The following ZNF475 variants were observed in gnomAD, a reference collection of about 807,000 sequenced individuals.
ZNF475 encodes the protein zinc finger protein 475.
chr5:122,182,577 C>A, the ZNF475 span: 4 of 1,535,504 alleles, frequency 2.6e-6, no homozygotes, highest in East Asian at 7.3e-5. Flanking sequence ...TGTTTGTGGG[C>A]GTACCTTCCT....
At chr5:122,173,187 C>A in the ZNF475 span, among the ~76,000 whole-genome samples, 3 of 152,190 alleles carry the variant, frequency 2.0e-5, no homozygotes, top group African/African-American at 7.2e-5. Context: ...TTCCTTCTGA[C>A]CAATTGTCAT....
the ZNF475 span, among the ~76,000 whole-genome samples, chr5:122,177,921 T>A: frequency 6.6e-6 from 1 of 151,392 alleles, no homozygotes; most frequent in African/African-American, 2.4e-5. Flanking sequence ...CAGGCCCCAG[T>A]GTGTGATGTT....
chr5:122,166,778 G>A, the ZNF475 span, among the ~76,000 whole-genome samples: 1 of 152,182 alleles, frequency 6.6e-6, no homozygotes, highest in African/African-American at 2.4e-5. Context: ...TTGCTATTGT[G>A]AATAGTGCTG....
chr5:122,171,034 C>G, the ZNF475 span, among the ~76,000 whole-genome samples: 1 of 152,134 alleles, frequency 6.6e-6, no homozygotes, highest in Non-Finnish European at 1.5e-5. Flanking sequence ...TCTTATTATG[C>G]CACAGCATTG....
the ZNF475 span, among the ~76,000 whole-genome samples, chr5:122,172,933 T>C: frequency 1.3e-5 from 2 of 151,938 alleles, no homozygotes; most frequent in African/African-American, 2.4e-5. Context: ...CTCGGGAGGC[T>C]GAGGCAGGAG....
the ZNF475 span, chr5:122,160,395 T>A: frequency 1.7e-6 from 1 of 584,944 alleles, no homozygotes. Flanking sequence ...AGCAACAGCC[T>A]CATGAGTGAA....
At chr5:122,163,445 G>C in the ZNF475 span, 1 of 152,202 alleles carries the variant, frequency 6.6e-6, no homozygotes, top group African/African-American at 2.4e-5. Flanking sequence ...CAAGCATGGA[G>C]GGAGGGGAAC....
chr5:122,179,853 G>A, the ZNF475 span: 2 of 661,950 alleles, frequency 3.0e-6, no homozygotes, highest in Admixed American at 3.7e-5. Context: ...TTCTTGCCTT[G>A]GTTACAGACA....
the ZNF475 span, among the ~76,000 whole-genome samples, chr5:122,162,659 A>T: frequency 6.6e-6 from 1 of 152,004 alleles, no homozygotes; most frequent in African/African-American, 2.4e-5. Context: ...CTCATATTCT[A>T]ATCTCCTTTG....
At chr5:122,178,596 T>A in the ZNF475 span, among the ~76,000 whole-genome samples, 2 of 152,350 alleles carry the variant, frequency 1.3e-5, no homozygotes, top group East Asian at 3.9e-4. Context: ...GTTTTTTTCT[T>A]GTGAAGTTGT....
At chr5:122,182,068 T>C in the ZNF475 span, among the ~76,000 whole-genome samples, 1 of 152,232 alleles carries the variant, frequency 6.6e-6, no homozygotes, top group Non-Finnish European at 1.5e-5. Context: ...AAAATACGAA[T>C]ACATGCTCAT....
At chr5:122,162,599 G>A in the ZNF475 span, 1 of 152,024 alleles carries the variant, frequency 6.6e-6, no homozygotes, top group Non-Finnish European at 1.5e-5. Context: ...TGTTTTAAAT[G>A]GCTGAAGGCA....
the ZNF475 span, among the ~76,000 whole-genome samples, chr5:122,177,790 G>A: frequency 3.7e-4 from 56 of 152,034 alleles, no homozygotes; most frequent in African/African-American, 1.3e-3. Flanking sequence ...TACGTGTGCA[G>A]AATGTGCAGG....
the ZNF475 span, among the ~76,000 whole-genome samples, chr5:122,165,761 CAAAAAA>C: frequency 8.5e-6 from 1 of 117,374 alleles, no homozygotes; most frequent in Admixed American, 8.6e-5. Context: ...ATGCAACCTA[CAAAAAA>C]AAAAAAAAGA....
At chr5:122,174,258 G>A in the ZNF475 span, among the ~76,000 whole-genome samples, 1 of 152,212 alleles carries the variant, frequency 6.6e-6, no homozygotes, top group Non-Finnish European at 1.5e-5. Context: ...CCTTGGACTG[G>A]AGATAGAGGC....
chr5:122,163,722 G>C, the ZNF475 span, among the ~76,000 whole-genome samples: 2 of 152,172 alleles, frequency 1.3e-5, no homozygotes. Context: ...GACAGCCTGG[G>C]ATCCAGCTGG....
chr5:122,176,605 A>G, the ZNF475 span, among the ~76,000 whole-genome samples: 6 of 152,028 alleles, frequency 3.9e-5, no homozygotes, highest in African/African-American at 9.7e-5. Context: ...ACCTCCTATA[A>G]CTGAGTGTAA....
the ZNF475 span, among the ~76,000 whole-genome samples, chr5:122,175,685 T>C: frequency 6.6e-6 from 1 of 152,238 alleles, no homozygotes; most frequent in East Asian, 1.9e-4. Flanking sequence ...AAACACCTTT[T>C]CCCTTTCTCT....
At chr5:122,165,208 G>A in the ZNF475 span, among the ~76,000 whole-genome samples, 1 of 152,228 alleles carries the variant, frequency 6.6e-6, no homozygotes, top group African/African-American at 2.4e-5. Flanking sequence ...AGTCTCAGCT[G>A]TGTTTCCAGC....
Sources: gnomAD v4.1 joint callset for allele counts (sites outside exome capture counted in the v4.1 genomes callset) on GRCh38, gnomAD v4.1.1 for gene constraint, MANE v1.5 for transcripts, NCBI Gene and HGNC (gene_info 2026-07-23, HGNC 2026-07-21) for gene names.